Variants in DYNC2I1 observed in about 807,000 individuals in gnomAD.
DYNC2I1 encodes the protein dynein 2 intermediate chain 1.
DYNC2I1 carries 89 observed loss-of-function variants against 133.4 expected under a neutral mutation model. The observed-to-expected ratio is 0.67, with a 90% confidence interval of 0.56 to 0.80. DYNC2I1 has a LOEUF of 0.80. Ranked by LOEUF, DYNC2I1 falls within the 30% of genes least tolerant of loss-of-function variation. The pLI, the probability that DYNC2I1 is intolerant of heterozygous loss-of-function variation, is 0.00. For synonymous variants in DYNC2I1, 504 were observed against 484.3 expected (o/e 1.04, Z -0.54); for missense variants, 1,291 against 1,314.5 (o/e 0.98, Z 0.28).
intron 8 of DYNC2I1, among the ~76,000 whole-genome samples, chr7:158,891,691 G>T (rs1160153260): frequency 6.6e-6 from 1 of 152,206 alleles, no homozygotes; most frequent in Non-Finnish European, 1.5e-5. Context: ...TTGTTGCTCT[G>T]TGTGTAAGTT....
intron 1 of DYNC2I1, among the ~76,000 whole-genome samples, chr7:158,860,686 C>G (rs376195268): frequency 6.7e-6 from 1 of 150,218 alleles, no homozygotes; most frequent in African/African-American, 2.5e-5. Context: ...ACATACCAAA[C>G]AATTGATAGG....
chr7:158,851,150 T>C, the DYNC2I1 span, among the ~76,000 whole-genome samples: 2 of 152,338 alleles, frequency 1.3e-5, no homozygotes, highest in East Asian at 3.9e-4. Context: ...TATGATAATA[T>C]AGTTATTCAC....
At position 158,856,646 on chromosome 7, in the gene DYNC2I1, G is replaced by T; in HGVS notation, c.-90G>T. 3 of 1,212,060 alleles carry T rather than the reference G, an allele frequency of 2.5e-6. No homozygotes were observed. The highest frequency in any genetic ancestry group is 4.2e-5 in the South Asian group (1 of 23,832). 75.1% of individuals were successfully genotyped at this position (1,212,060 alleles called of 1,614,324 possible). On this transcript the variant is annotated 5_prime_UTR_variant, in exon 1 of 25. Transcript: ENST00000407559. Reference sequence around the variant, plus strand: ...TGCTAGGCGCTGGGACGCGCCTCCCGAAGGGTGCGGGGCACAGGTGGCCTC... The same window carrying T: ...TGCTAGGCGCTGGGACGCGCCTCCCTAAGGGTGCGGGGCACAGGTGGCCTC...
chr7:158,849,165 A>G, the DYNC2I1 span, among the ~76,000 whole-genome samples: 1 of 152,210 alleles, frequency 6.6e-6, no homozygotes, highest in Non-Finnish European at 1.5e-5. Flanking sequence ...AAAAGGTAAA[A>G]TGGTCTGTGG....
Position 158,930,473 on chromosome 7 carries a change from G to A in DYNC2I1, c.2504G>A (p.Arg835Lys). Reference protein sequence around the residue: ...ISDLGLMPGGRVKLVHSALIQ... With the variant: ...ISDLGLMPGGKVKLVHSALIQ... The stretch of plus-strand genomic sequence containing the variant: ...TTTTTAGGTCTGATGCCTGGAGGGA[G>A]GGTCAAGCTGGTACATAGTGCTCTG... The change falls in exon 21 of 25, where the codon AGG (arginine) becomes AAG (lysine). Residue 835 changes from arginine (R) to lysine (K), a missense_variant. Coordinates refer to ENST00000407559, the MANE Select transcript of DYNC2I1 (RefSeq NM_018051.5). 6.2e-7 allele frequency: 1 copy of A among 1,612,982 alleles called. No individual in the cohort carries two copies. Among genetic ancestry groups the A allele is most frequent in the Non-Finnish European group, 8.5e-7 (1 of 1,179,560 alleles).
chr7:158,927,976 G>C (rs895505070), intron 20 of DYNC2I1, among the ~76,000 whole-genome samples: 1 of 152,158 alleles, frequency 6.6e-6, no homozygotes, highest in Non-Finnish European at 1.5e-5. Context: ...TCAGGTGTCC[G>C]AGTCTTTCAG....
At chr7:158,841,214 TATA>T in the DYNC2I1 span, among the ~76,000 whole-genome samples, 4 of 82,504 alleles carry the variant, frequency 4.8e-5, 1 homozygote, top group South Asian at 7.4e-4. Flanking sequence ...TATATATATA[TATA>T]TATATTTTAG....
intron 3 of DYNC2I1, among the ~76,000 whole-genome samples, chr7:158,876,281 C>T (rs1403062953): frequency 6.6e-6 from 1 of 152,068 alleles, no homozygotes; most frequent in African/African-American, 2.4e-5. Flanking sequence ...AAGAACAGCA[C>T]CCAGGGGGAA....
chr7:158,909,285 C>A (rs1287753868), intron 11 of DYNC2I1, among the ~76,000 whole-genome samples: 1 of 139,600 alleles, frequency 7.2e-6, no homozygotes, highest in Admixed American at 7.8e-5. Context: ...GAGCTGAGAT[C>A]GCACCACTGC....
upstream of DYNC2I1, among the ~76,000 whole-genome samples, chr7:158,854,591 T>C (rs906313692): frequency 2.6e-5 from 4 of 152,080 alleles, no homozygotes; most frequent in East Asian, 1.9e-4. Context: ...TGTATACCTA[T>C]GTAACAAACC....
intron 20 of DYNC2I1, among the ~76,000 whole-genome samples, chr7:158,927,635 T>C (rs1849763281): frequency 6.6e-6 from 1 of 151,902 alleles, no homozygotes; most frequent in African/African-American, 2.4e-5. Context: ...CACTGCAACC[T>C]CTGCCTCCTG....
chr7:158,903,635 C>G (rs1378068454), intron 10 of DYNC2I1: 2 of 152,172 alleles, frequency 1.3e-5, no homozygotes, highest in Non-Finnish European at 2.9e-5. Context: ...GGATCTGCCC[C>G]TTCTTCAGCC....
chr7:158,866,102 T>TAAC (rs2308133), intron 1 of DYNC2I1, among the ~76,000 whole-genome samples: 65,841 of 151,812 alleles, frequency 0.43, 15,371 homozygotes, highest in East Asian at 0.7. Context: ...TCAGTAATGT[T>TAAC]AACCATTAAG....
chr7:158,918,028 G>A (rs956877741), intron 14 of DYNC2I1, among the ~76,000 whole-genome samples: 1 of 151,958 alleles, frequency 6.6e-6, no homozygotes. Context: ...CTCTCACACA[G>A]TCAGCTCTCA....
intron 1 of DYNC2I1, among the ~76,000 whole-genome samples, chr7:158,860,836 T>C (rs193126898): frequency 7.2e-5 from 11 of 152,324 alleles, no homozygotes; most frequent in African/African-American, 1.7e-4. Context: ...ATGTGAACTG[T>C]TTAGGTACAG....
In DYNC2I1 at chr7:158,926,257, C is replaced by G. The variant is rs1354428950; in HGVS notation, c.2328C>G (p.His776Gln). 1 of 1,613,530 alleles carries G rather than the reference C, an allele frequency of 6.2e-7. No individual in the cohort carries two copies. The highest frequency in any genetic ancestry group is 8.5e-7 in the Non-Finnish European group (1 of 1,179,714). The change falls in exon 18 of 25, where the codon CAC (histidine) becomes CAG (glutamine). Residue 776 changes from histidine (H) to glutamine (Q), a missense_variant. Transcript: ENST00000407559. ...QAVEPISTSVHKKQSFVLSPF... is the reference protein window; with the variant it reads ...QAVEPISTSVQKKQSFVLSPF... The stretch of plus-strand genomic sequence containing the variant: ...TAGAACCTATCTCAACGTCCGTCCA[C>G]AAAAAGCAGAGCTTTGTGCTTTCAC...
chr7:158,886,135 T>C (rs190520165), intron 6 of DYNC2I1, among the ~76,000 whole-genome samples: 190 of 151,902 alleles, frequency 1.3e-3, no homozygotes, highest in Non-Finnish European at 1.6e-3. Flanking sequence ...TACAACTCTT[T>C]TTATTTTTTG....
At chr7:158,842,307 A>C in the DYNC2I1 span, among the ~76,000 whole-genome samples, 1 of 152,240 alleles carries the variant, frequency 6.6e-6, no homozygotes, top group South Asian at 2.1e-4. Flanking sequence ...CATTACAGGC[A>C]TGAGCCACCA....
rs566356982 is a variant in DYNC2I1 at position 158,936,667 on chromosome 7, C to T, written c.2778+2118C>T. Among the ~76,000 whole-genome samples the T allele has an allele frequency of 7.9e-5, 12 of 152,360 alleles. No homozygotes were observed. The East Asian group carries it at 1.2e-3, about 15-fold the overall frequency. ...CTGCAGCCCTGAAAATTCTGCACCT[C>T]AGCCAAAGGAGGCACTCAATCAGAG... On this transcript the variant is annotated intron_variant, in intron 23 of 24. Transcript: ENST00000407559.
Sources: allele counts gnomAD v4.1 joint callset (sites outside exome capture counted in the v4.1 genomes callset), GRCh38; gene constraint gnomAD v4.1.1; transcripts MANE v1.5; gene names NCBI Gene and HGNC (gene_info 2026-07-23, HGNC 2026-07-21).